The following SKAP2 variants were observed in gnomAD, a reference collection of about 807,000 sequenced individuals.
SKAP2 encodes src kinase associated phosphoprotein 2, also known as src kinase-associated phosphoprotein 2.
Under a neutral mutation model 54.9 loss-of-function variants are expected in SKAP2, and 28 were observed. The ratio of observed to expected loss-of-function variants is 0.51; its 90% CI spans 0.38 to 0.70. SKAP2 has a LOEUF of 0.70. SKAP2 is among the 30% of genes least tolerant of loss of function. The probability of loss-of-function intolerance (pLI) is 0.00; values close to 1 mark genes in which losing one functional copy is unlikely to be tolerated. For synonymous variants in SKAP2, 137 were observed against 134.3 expected (o/e 1.02, Z -0.14); for missense variants, 356 against 424.1 (o/e 0.84, Z 1.41).
intron 10 of SKAP2, among the ~76,000 whole-genome samples, chr7:26,690,039 T>C (rs918503350): frequency 4.6e-5 from 7 of 152,214 alleles, no homozygotes; most frequent in East Asian, 1.9e-4. Flanking sequence ...TGAAAGCTAA[T>C]TGAGTCATTA....
chr7:26,799,264 C>G (rs990761893), intron 4 of SKAP2, among the ~76,000 whole-genome samples: 1 of 146,914 alleles, frequency 6.8e-6, no homozygotes, highest in African/African-American at 2.5e-5. Flanking sequence ...TCAAAAGACA[C>G]AGACGGGCTG....
intron 3 of SKAP2, among the ~76,000 whole-genome samples, chr7:26,849,769 T>C (rs1252091304): frequency 1.3e-5 from 2 of 151,240 alleles, no homozygotes; most frequent in African/African-American, 2.4e-5. Flanking sequence ...CTAATGCTAA[T>C]AAATATGCCC....
chr7:26,726,900 A>C lies in SKAP2; in HGVS notation c.576T>G (p.Pro192=). Residue 192 remains proline, a synonymous_variant, in exon 7 of 13, where the codon CCT becomes CCG. Coordinates refer to ENST00000345317, the MANE Select transcript of SKAP2 (RefSeq NM_003930.5). The part of the protein sequence containing the change: ...KKDCCFEISA[P]DKRIYQFTAA... Reference sequence around the variant, plus strand: ...CTACAACCTGATATATACGTTTATCAGGAGCAGAGATTTCAAAACAGCAAT... The same window carrying C: ...CTACAACCTGATATATACGTTTATCCGGAGCAGAGATTTCAAAACAGCAAT... 6.2e-7 allele frequency: 1 copy of C among 1,609,176 alleles called. No individual in the cohort carries two copies. Among genetic ancestry groups the C allele is most frequent in the African/African-American group, 1.3e-5 (1 of 74,812 alleles).
intron 9 of SKAP2, among the ~76,000 whole-genome samples, chr7:26,692,008 T>C (rs540221555): frequency 1.3e-5 from 2 of 152,168 alleles, no homozygotes; most frequent in African/African-American, 2.4e-5. Context: ...ACTGAAGCTA[T>C]GCTTCAGGAA....
chr7:26,747,144 T>C (rs1272914231), intron 4 of SKAP2, among the ~76,000 whole-genome samples: 6 of 152,178 alleles, frequency 3.9e-5, no homozygotes, highest in East Asian at 3.9e-4. Flanking sequence ...TGTGTTACTT[T>C]AGCATAGTCT....
chr7:26,792,749 C>G (rs930839888), intron 4 of SKAP2, among the ~76,000 whole-genome samples: 1 of 151,952 alleles, frequency 6.6e-6, no homozygotes, highest in Non-Finnish European at 1.5e-5. Flanking sequence ...AAATGATTTC[C>G]CTGCAGGCAA....
At chr7:26,822,186 TA>T (rs1172822831) in intron 4 of SKAP2, among the ~76,000 whole-genome samples, 1 of 152,186 alleles carries the variant, frequency 6.6e-6, no homozygotes, top group Non-Finnish European at 1.5e-5. Context: ...ACATACCTCA[TA>T]TTACTGTGCT....
At chr7:26,687,982 T>TA (rs1786685801) in intron 10 of SKAP2, among the ~76,000 whole-genome samples, 1 of 151,932 alleles carries the variant, frequency 6.6e-6, no homozygotes, top group South Asian at 2.1e-4. Context: ...CATGAATGAT[T>TA]AAAAAAAGGT....
intron 1 of SKAP2, among the ~76,000 whole-genome samples, chr7:26,856,268 A>G (rs1230568637): frequency 2.0e-5 from 3 of 152,206 alleles, no homozygotes; most frequent in Non-Finnish European, 4.4e-5. Flanking sequence ...ATGAAATGAA[A>G]GCAAATGTCA....
chr7:26,747,505 C>T (rs536229797), intron 4 of SKAP2, among the ~76,000 whole-genome samples: 6 of 152,146 alleles, frequency 3.9e-5, no homozygotes, highest in Admixed American at 3.3e-4. Context: ...CAAGCAAAAA[C>T]GGAATAACCA....
intron 4 of SKAP2, among the ~76,000 whole-genome samples, chr7:26,815,104 G>A (rs1784239407): frequency 7.0e-6 from 1 of 143,840 alleles, no homozygotes; most frequent in African/African-American, 2.5e-5. Context: ...ATATACAAAT[G>A]GTCTTTTTTT....
chr7:26,818,208 C>T (rs997540551), intron 4 of SKAP2, among the ~76,000 whole-genome samples: 4 of 152,086 alleles, frequency 2.6e-5, no homozygotes, highest in African/African-American at 7.2e-5. Context: ...CTACAGTAAC[C>T]GAAACAGCAT....
chr7:26,676,205 G>C (rs935211020), intron 11 of SKAP2, among the ~76,000 whole-genome samples: 1 of 152,118 alleles, frequency 6.6e-6, no homozygotes, highest in South Asian at 2.1e-4. Flanking sequence ...ACTATGAAAA[G>C]TTTTTGTTGA....
chr7:26,766,202 T>G (rs189582871), intron 4 of SKAP2, among the ~76,000 whole-genome samples: 124 of 152,288 alleles, frequency 8.1e-4, no homozygotes, highest in African/African-American at 2.8e-3. Flanking sequence ...TTGTAAGTTG[T>G]ATTCCTAGGT....
chr7:26,820,328 C>T (rs946848971), intron 4 of SKAP2, among the ~76,000 whole-genome samples: 3 of 152,086 alleles, frequency 2.0e-5, no homozygotes, highest in African/African-American at 4.8e-5. Context: ...TAAAATGAAG[C>T]TTTATTTATA....
At chr7:26,708,429 C>G (rs1412401690) in intron 9 of SKAP2, among the ~76,000 whole-genome samples, 2 of 152,000 alleles carry the variant, frequency 1.3e-5, no homozygotes, top group African/African-American at 2.4e-5. Flanking sequence ...AAGTCTTTTT[C>G]TTATTAACTC....
intron 1 of SKAP2, 49 bp downstream of exon 1, chr7:26,864,314 T>TCCCTCG (rs759211098): frequency 6.2e-7 from 1 of 1,611,478 alleles, no homozygotes; most frequent in East Asian, 2.2e-5. Flanking sequence ...GGCTCACCGT[T>TCCCTCG]CCCTCGCCCC....
intron 4 of SKAP2, among the ~76,000 whole-genome samples, chr7:26,802,281 T>G (rs1022344535): frequency 1.3e-5 from 2 of 149,792 alleles, no homozygotes; most frequent in African/African-American, 4.9e-5. Context: ...TTTTTGGTTT[T>G]TTTTTTTTTT....
chr7:26,829,107 T>C (rs959589423), intron 4 of SKAP2, among the ~76,000 whole-genome samples: 1 of 152,122 alleles, frequency 6.6e-6, no homozygotes, highest in Non-Finnish European at 1.5e-5. Context: ...AAAACTTTTG[T>C]GCTTCAAGGA....
Sources: allele counts gnomAD v4.1 joint callset (sites outside exome capture counted in the v4.1 genomes callset), GRCh38; gene constraint gnomAD v4.1.1; transcripts MANE v1.5; gene names NCBI Gene and HGNC (gene_info 2026-07-23, HGNC 2026-07-21).